Variants in SHISA7 observed in about 807,000 individuals in gnomAD.
SHISA7 encodes protein shisa-7.
A neutral mutation model predicts 23.9 loss-of-function variants in SHISA7; 6 were observed. The observed-to-expected ratio is 0.25, with a 90% CI of 0.14 to 0.50. The LOEUF (loss-of-function observed/expected upper bound fraction) is 0.50, where lower values mean the gene tolerates loss of function less well. SHISA7 is among the 20% of genes least tolerant of loss of function. The pLI is 0.98. For synonymous variants in SHISA7, 386 were observed against 398.3 expected (o/e 0.97, Z 0.37); for missense variants, 671 against 801.1 (o/e 0.84, Z 1.96).
In SHISA7 at chr19:55,442,662, CG is replaced by C; in HGVS notation, c.201del (p.Ala69ArgfsTer75). 7.9e-7 allele frequency: 1 copy of C among 1,267,984 alleles called. No homozygotes were observed. The highest frequency in any genetic ancestry group is 1.0e-6 in the Non-Finnish European group (1 of 996,506). The allele number at this position is 1,267,984 out of a possible 1,614,324, so 78.5% of individuals were successfully genotyped here. ...GANGTRTGPA[G>X]GAGAAARAPP... ...GGCGCCCGGGCCGCCGCGCCCGCCC[CG>C]CCCGCGGGGCCGGTCCTGGTGCCGT... On this transcript the variant is annotated frameshift_variant, in exon 1 of 4. Transcript: ENST00000376325. LOFTEE classifies it high-confidence loss of function.
At chr19:55,437,583 C>T (rs1251183299) in intron 3 of SHISA7, 22 bp downstream of exon 3, 7 of 1,548,528 alleles carry the variant, frequency 4.5e-6, no homozygotes, top group Non-Finnish European at 5.2e-6. Flanking sequence ...TTCACCGCCG[C>T]GCTGCCCTTG....
At chr19:55,435,386 G>A (rs74703842) in intron 3 of SHISA7, among the ~76,000 whole-genome samples, 1 of 118,758 alleles carries the variant, frequency 8.4e-6, no homozygotes, top group East Asian at 3.1e-4. Flanking sequence ...GTGTATATGT[G>A]GTGTGTGTGT....
Position 55,437,640 on chromosome 19 carries a change from G to C in SHISA7, c.941C>G (p.Ser314Cys). ...LPPSYEAAVK[S>C]ELNRYSSLKR... Reference sequence around the variant, plus strand: ...GAGGGAAGAGTAGCGGTTCAGCTCGGATTTCACGGCAGCCTCGTAGGACGG... The same window carrying C: ...GAGGGAAGAGTAGCGGTTCAGCTCGCATTTCACGGCAGCCTCGTAGGACGG... Residue 314 changes from serine to cysteine, a missense_variant, in exon 3 of 4, where the codon TCC becomes TGC. Physicochemically the swap from Ser to Cys is moderately radical, Grantham distance 112. Around this residue, in one of 5 missense-constraint regions of SHISA7, gnomAD observed 457 missense variants for 488.3 expected, o/e 0.94. Transcript: ENST00000376325. 8 of 1,551,600 alleles carry C rather than the reference G, an allele frequency of 5.2e-6. No homozygotes were observed. Among genetic ancestry groups the C allele is most frequent in the Non-Finnish European group, 3.5e-6 (4 of 1,146,932 alleles).
In SHISA7 at chr19:55,433,323, C is replaced by T. The variant is rs1015595671; in HGVS notation, c.1450G>A (p.Gly484Ser). The change falls in exon 4 of 4, where the codon GGC (glycine) becomes AGC (serine). Residue 484 changes from glycine (G) to serine (S), a missense_variant. Around this residue, in one of 5 missense-constraint regions of SHISA7, gnomAD observed 457 missense variants for 488.3 expected, o/e 0.94. Transcript: ENST00000376325. This position sits in a 1 kb window ranked among gnomAD's most constrained non-coding sequence, Gnocchi z 8.4. ...LHAHHHHALHGSPQPAWMSDA... is the reference protein window; with the variant it reads ...LHAHHHHALHSSPQPAWMSDA... ...GACATCCAGGCCGGCTGCGGCGAGC[C>T]GTGCAGGGCGTGGTGGTGGTGGGCG... The T allele has an allele frequency of 2.1e-6, 3 of 1,460,882 alleles. No individual in the cohort carries two copies. The highest frequency in any genetic ancestry group is 4.9e-5 in the Admixed American group (2 of 40,878). 90.5% of individuals were successfully genotyped at this position (1,460,882 alleles called of 1,614,324 possible). A position where few individuals can be genotyped will look rare whatever the true frequency, so the allele number is the denominator to read the frequency against.
chr19:55,434,883 GTA>G (rs1380227113), intron 3 of SHISA7, among the ~76,000 whole-genome samples: 2 of 115,264 alleles, frequency 1.7e-5, no homozygotes, highest in South Asian at 2.9e-4. Context: ...TGGTGTGTGT[GTA>G]TATGTGGTGT....
At chr19:55,437,867 T>G in intron 2 of SHISA7, 113 bp from the exon 3 acceptor site, 1 of 1,269,544 alleles carries the variant, frequency 7.9e-7, no homozygotes, top group Non-Finnish European at 1.0e-6. Context: ...CCAGCCCCTC[T>G]TCCTTCAGAC....
intron 3 of SHISA7, among the ~76,000 whole-genome samples, chr19:55,436,455 T>C: frequency 6.6e-6 from 1 of 151,512 alleles, no homozygotes; most frequent in East Asian, 1.9e-4. Context: ...ATACAAAAAT[T>C]AGCCAGGTGT....
chr19:55,438,347 T>C (rs1985517389), intron 2 of SHISA7, among the ~76,000 whole-genome samples: 1 of 152,152 alleles, frequency 6.6e-6, no homozygotes, highest in Non-Finnish European at 1.5e-5. Context: ...GGCCCCAGGC[T>C]CCATCAACAA....
In SHISA7 at chr19:55,429,828, C is replaced by T. The variant is rs896888465; in HGVS notation, c.*3328G>A. Reference sequence around the variant, plus strand: ...GGAGGTGAAGGAGCACCCCTGGTCCCGCAGATGTGCTGGCAGGGACCATTG... The same window carrying T: ...GGAGGTGAAGGAGCACCCCTGGTCCTGCAGATGTGCTGGCAGGGACCATTG... On this transcript the variant is annotated 3_prime_UTR_variant, in exon 4 of 4. Coordinates refer to ENST00000376325, the MANE Select transcript of SHISA7 (RefSeq NM_001145176.2). 3.3e-5 allele frequency: 5 copies of T among 151,924 alleles called. No individual in the cohort carries two copies. Among genetic ancestry groups the T allele is most frequent in the Admixed American group, 6.6e-5 (1 of 15,264 alleles). The allele number at this position is 151,924 out of a possible 1,614,324, so 9.4% of individuals were successfully genotyped here.
At chr19:55,434,434 T>C (rs1348616898) in intron 3 of SHISA7, among the ~76,000 whole-genome samples, 1 of 122,062 alleles carries the variant, frequency 8.2e-6, no homozygotes, top group Non-Finnish European at 1.7e-5. Flanking sequence ...GGTGTGTGTG[T>C]GGTGTGTGTG....
Position 55,433,539 on chromosome 19 carries a change from G to T in SHISA7, c.1234C>A (p.His412Asn). ...LPRARLVSQE[H>N]LLLSSPEALR... ...GCCTCGGGCGAGGACAGCAGCAGGTGCTCCTGCGACACCAGGCGCGCGCGC... is the reference window on the plus strand; with the variant it reads ...GCCTCGGGCGAGGACAGCAGCAGGTTCTCCTGCGACACCAGGCGCGCGCGC... The change falls in exon 4 of 4, where the codon CAC (histidine) becomes AAC (asparagine). Residue 412 changes from histidine to asparagine, a missense_variant. Coordinates refer to ENST00000376325, the MANE Select transcript of SHISA7 (RefSeq NM_001145176.2). The surrounding 1 kb of genome is among the most constrained non-coding windows in gnomAD (Gnocchi z 8.4). The T allele has an allele frequency of 6.7e-7, 1 of 1,491,960 alleles. No homozygotes were observed. 92.4% of individuals were successfully genotyped at this position (1,491,960 alleles called of 1,614,324 possible). A position where few individuals can be genotyped will look rare whatever the true frequency, so the allele number is the denominator to read the frequency against.
intron 3 of SHISA7, among the ~76,000 whole-genome samples, chr19:55,435,224 GTA>G (rs1422965788): frequency 7.4e-5 from 7 of 95,102 alleles, no homozygotes; most frequent in East Asian, 6.3e-4. Flanking sequence ...TGGTGTGTGT[GTA>G]TGTGTGTGTG....
chr19:55,434,826 TGTGTG>T (rs1985364958), intron 3 of SHISA7, among the ~76,000 whole-genome samples: 3 of 71,992 alleles, frequency 4.2e-5, no homozygotes, highest in African/African-American at 5.6e-5. Context: ...TGTGTATGTG[TGTGTG>T]GTGTGTGGTG....
rs1376087811 is a variant in SHISA7, at chr19:55,430,185, G to A, written c.*2971C>T. On this transcript the variant is annotated 3_prime_UTR_variant, in exon 4 of 4. Transcript: ENST00000376325. ...CGGGGGGTAAGGTGAGGTTGGCTGA[G>A]GCCACATCTGTGGTGGGATTGATGC... 6.6e-6 allele frequency: 1 copy of A among 152,306 alleles called. No homozygotes were observed. Among genetic ancestry groups the A allele is most frequent in the Non-Finnish European group, 1.5e-5 (1 of 68,114 alleles). The allele number at this position is 152,306 out of a possible 1,614,324, so 9.4% of individuals were successfully genotyped here.
chr19:55,433,444 G>C lies in SHISA7; in HGVS notation c.1329C>G (p.Ala443=). The part of the protein sequence containing the change: ...RSPALPPDPT[A]RASLAASHSN... ...AGTGCGAGGCGGCCAGGCTGGCCCG[G>C]GCGGTGGGGTCGGGGGGCAGCGCGG... Residue 443 remains alanine, a synonymous_variant, in exon 4 of 4, where the codon GCC becomes GCG. Transcript: ENST00000376325. This position sits in a 1 kb window ranked among gnomAD's most constrained non-coding sequence, Gnocchi z 8.4. 7.5e-7 allele frequency: 1 copy of C among 1,339,374 alleles called. No homozygotes were observed. The highest frequency in any genetic ancestry group is 3.2e-5 in the East Asian group (1 of 31,650). The allele number at this position is 1,339,374 out of a possible 1,614,324, so 83.0% of individuals were successfully genotyped here. A position where few individuals can be genotyped will look rare whatever the true frequency, so the allele number is the denominator to read the frequency against.
In SHISA7 at chr19:55,433,187, C is replaced by G; in HGVS notation, c.1586G>C (p.Arg529Pro). The change falls in exon 4 of 4, where the codon CGC becomes CCC. Residue 529 changes from arginine to proline, a missense_variant. Arg to Pro is a moderately radical substitution (Grantham distance 103, BLOSUM62 -2). Transcript: ENST00000376325. The surrounding 1 kb of genome is among the most constrained non-coding windows in gnomAD (Gnocchi z 8.4). Reference protein sequence around the residue: ...IPGHHLPQHLRTASKNEVTV With the variant: ...IPGHHLPQHLPTASKNEVTV ...AGTCACCTCGTTCTTGCTGGCCGTGCGCAGGTGCTGGGGCAGGTGGTGGCC... is the reference window on the plus strand; with the variant it reads ...AGTCACCTCGTTCTTGCTGGCCGTGGGCAGGTGCTGGGGCAGGTGGTGGCC... The G allele has an allele frequency of 6.5e-7, 1 of 1,528,140 alleles. No homozygotes were observed. The allele number at this position is 1,528,140 out of a possible 1,614,324, so 94.7% of individuals were successfully genotyped here. A position where few individuals can be genotyped will look rare whatever the true frequency, so the allele number is the denominator to read the frequency against.
rs114502587 is a variant in SHISA7 at position 55,433,851 on chromosome 19, C to T, written c.977-55G>A. The stretch of plus-strand genomic sequence containing the variant: ...GTGGGTCCCCTGCGCATCTAGAGCC[C>T]TCCCCCTCCCACCTCGTCACATCCC... On this transcript the variant is annotated intron_variant, in intron 3 of 3. Transcript: ENST00000376325. The surrounding 1 kb of genome is among the most constrained non-coding windows in gnomAD (Gnocchi z 8.4). 3,869 of 1,350,122 alleles carry T rather than the reference C, an allele frequency of 2.9e-3. 44 individuals carry two copies. Among genetic ancestry groups the T allele is most frequent in the East Asian group, 0.022 (720 of 32,066 alleles). 83.6% of individuals were successfully genotyped at this position (1,350,122 alleles called of 1,614,324 possible).
chr19:55,442,537 G>A lies in SHISA7; in HGVS notation c.327C>T (p.Thr109=), dbSNP rs1985621390. The A allele has an allele frequency of 1.3e-6, 2 of 1,481,820 alleles. No homozygotes were observed. The highest frequency in any genetic ancestry group is 1.7e-4 in the Middle Eastern group (1 of 5,730). 91.8% of individuals were successfully genotyped at this position (1,481,820 alleles called of 1,614,324 possible). A position where few individuals can be genotyped will look rare whatever the true frequency, so the allele number is the denominator to read the frequency against. ...GCTCACAGCAGAAGCGGTAGTGGCA[G>A]GTGCCACAGCAGAAGCGGTAGGAGC... is the stretch of plus-strand genomic sequence containing the variant. The part of the protein sequence containing the change: ...STGSYRFCCG[T]CHYRFCCEHR... The change falls in exon 1 of 4, where the codon ACC becomes ACT. Residue 109 remains threonine, a synonymous_variant. Coordinates refer to ENST00000376325, the MANE Select transcript of SHISA7 (RefSeq NM_001145176.2).
chr19:55,441,532 A>T (rs79830083), intron 1 of SHISA7, among the ~76,000 whole-genome samples: 2,789 of 152,132 alleles, frequency 0.018, 40 homozygotes, highest in Non-Finnish European at 0.028. Flanking sequence ...TCGCCCACAG[A>T]TCTCTGCGTG....
Sources: allele counts gnomAD v4.1 joint callset (sites outside exome capture counted in the v4.1 genomes callset), GRCh38; gene constraint gnomAD v4.1.1; regional missense constraint gnomAD v4.1.1; non-coding constraint Gnocchi (gnomAD v3.1); transcripts MANE v1.5; gene names NCBI Gene and HGNC (gene_info 2026-07-23, HGNC 2026-07-21).